ANO10: variants seen among roughly 807,000 people sequenced by gnomAD.
ANO10 encodes anoctamin-10.
Under a neutral mutation model 74.7 loss-of-function variants are expected in ANO10, and 77 were observed. The ratio of observed to expected loss-of-function variants is 1.03; its 90% CI spans 0.86 to 1.25. The LOEUF (loss-of-function observed/expected upper bound fraction) is 1.25. Ranked by LOEUF, ANO10 falls within the 50% of genes most tolerant of loss-of-function variation. The probability of loss-of-function intolerance (pLI) is 0.00; values close to 1 mark genes in which losing one functional copy is unlikely to be tolerated. For synonymous variants in ANO10, 279 were observed against 284.9 expected, an observed-to-expected ratio of 0.98 and a Z score of 0.21; for missense variants, 721 against 778.1, an observed-to-expected ratio of 0.93 and a Z score of 0.87.
At chr3:43,544,796 TA>T (rs556665373) in intron 11 of ANO10, among the ~76,000 whole-genome samples, 73,184 of 111,902 alleles carry the variant, frequency 0.65, 22,939 homozygotes, top group East Asian at 0.76. Context: ...CTGTCTGAAA[TA>T]AAAAAAAAAA....
intron 11 of ANO10, among the ~76,000 whole-genome samples, chr3:43,448,653 C>T: frequency 6.6e-6 from 1 of 152,176 alleles, no homozygotes; most frequent in East Asian, 1.9e-4. Context: ...CTGCTATAAA[C>T]ATCCATCTGC....
At chr3:43,406,162 T>A (rs2092571832) in intron 12 of ANO10, among the ~76,000 whole-genome samples, 1 of 152,188 alleles carries the variant, frequency 6.6e-6, no homozygotes, top group South Asian at 2.1e-4. Context: ...AAGAATCCCA[T>A]CTGCATGGCA....
At chr3:43,644,606 C>A (rs78097683) in intron 1 of ANO10, among the ~76,000 whole-genome samples, 5,856 of 152,292 alleles carry the variant, frequency 0.038, 161 homozygotes, top group Non-Finnish European at 0.058. Flanking sequence ...GTAGCCTTGC[C>A]CCTGGCTTTT....
rs996196127 is a variant in ANO10, at chr3:43,496,638, G to A, written c.1797+53082C>T. On this transcript the variant is annotated intron_variant, in intron 11 of 12. Coordinates refer to ENST00000292246, the MANE Select transcript of ANO10 (RefSeq NM_018075.5). Reference sequence around the variant, plus strand: ...TATTTTTTGGGGGTGGGGGAGCAGGGGCAGAGACAAGGTTTCGTCATGTTG... The same window carrying A: ...TATTTTTTGGGGGTGGGGGAGCAGGAGCAGAGACAAGGTTTCGTCATGTTG... 3.9e-5 allele frequency among the ~76,000 whole-genome samples: 6 copies of A among 151,988 alleles called. No homozygotes were observed. In the South Asian group the frequency reaches 8.3e-4, roughly 21 times the overall value.
chr3:43,562,076 G>A (rs935734752), intron 8 of ANO10, among the ~76,000 whole-genome samples: 3 of 152,060 alleles, frequency 2.0e-5, no homozygotes, highest in Admixed American at 6.5e-5. Context: ...AAGGCACTAA[G>A]AATGTATATT....
chr3:43,652,883 TAG>T (rs1263078333), intron 1 of ANO10: 1 of 151,956 alleles, frequency 6.6e-6, no homozygotes, highest in Non-Finnish European at 1.5e-5. Flanking sequence ...ATCATTAATA[TAG>T]AGAGAGTATT....
At chr3:43,551,093 T>C (rs1168954932) in intron 10 of ANO10, among the ~76,000 whole-genome samples, 1 of 152,240 alleles carries the variant, frequency 6.6e-6, no homozygotes, top group Non-Finnish European at 1.5e-5. Flanking sequence ...TACATGGACG[T>C]ATCAGAATTT....
At chr3:43,543,128 TCTCC>T (rs1351052712) in intron 11 of ANO10, among the ~76,000 whole-genome samples, 17 of 152,164 alleles carry the variant, frequency 1.1e-4, no homozygotes, top group African/African-American at 3.4e-4. Context: ...CTCTCTCTTC[TCTCC>T]CTCTGTTTCT....
chr3:43,423,275 CTTTT>C (rs1023387400), intron 12 of ANO10, among the ~76,000 whole-genome samples: 4 of 151,942 alleles, frequency 2.6e-5, no homozygotes, highest in Non-Finnish European at 5.9e-5. Flanking sequence ...TTTTAAGACT[CTTTT>C]TTTTGTCCAA....
chr3:43,436,187 C>T (rs1660344227), intron 11 of ANO10, among the ~76,000 whole-genome samples: 1 of 152,042 alleles, frequency 6.6e-6, no homozygotes, highest in Non-Finnish European at 1.5e-5. Flanking sequence ...TCCATACAGC[C>T]ACTCTGTTTC....
chr3:43,430,260 T>C (rs904507953), intron 12 of ANO10, among the ~76,000 whole-genome samples: 5 of 152,064 alleles, frequency 3.3e-5, no homozygotes, highest in Non-Finnish European at 5.9e-5. Flanking sequence ...TCTTTTGAGT[T>C]TGCTTATTTT....
intron 11 of ANO10, among the ~76,000 whole-genome samples, chr3:43,514,085 GC>G (rs2077616496): frequency 6.6e-6 from 1 of 150,584 alleles, no homozygotes; most frequent in Non-Finnish European, 1.5e-5. Flanking sequence ...AAAATTGCAA[GC>G]AAAAATAGAA....
rs1322368451 is a variant in ANO10 at position 43,577,183 on chromosome 3, G to C, written c.671C>G (p.Pro224Arg). Residue 224 changes from proline (P) to arginine (R), a missense_variant, in exon 6 of 13, where the codon CCC becomes CGC. By Grantham distance (103) the Pro-to-Arg change is moderately radical. Transcript: ENST00000292246. The part of the protein sequence containing the change: ...FLEYFTFALI[P>R]MAVIGLPYYL... ...GTAAGGTAACCCAATGACAGCCATG[G>C]GGATTAATGCAAAAGTGAAATACTC... The C allele has an allele frequency of 1.2e-6, 2 of 1,613,960 alleles. No homozygotes were observed. Among genetic ancestry groups the C allele is most frequent in the African/African-American group, 2.7e-5 (2 of 74,874 alleles).
intron 11 of ANO10, among the ~76,000 whole-genome samples, chr3:43,492,934 T>C (rs1011227503): frequency 6.6e-6 from 1 of 152,200 alleles, no homozygotes; most frequent in Non-Finnish European, 1.5e-5. Flanking sequence ...ATCCCATTAC[T>C]GGGCATATGC....
chr3:43,468,774 G>A (rs1370898080), intron 11 of ANO10, among the ~76,000 whole-genome samples: 2 of 150,592 alleles, frequency 1.3e-5, no homozygotes, highest in African/African-American at 2.4e-5. Flanking sequence ...GCAGTAGTGC[G>A]ATCTCGGCTC....
chr3:43,662,604 C>T (rs1207149213), intron 1 of ANO10, among the ~76,000 whole-genome samples: 2 of 151,696 alleles, frequency 1.3e-5, no homozygotes, highest in African/African-American at 4.8e-5. Context: ...ATAAATGAAT[C>T]CAAGAGCTGA....
chr3:43,459,872 G>T (rs113345780), intron 11 of ANO10, among the ~76,000 whole-genome samples: 93 of 152,322 alleles, frequency 6.1e-4, no homozygotes, highest in African/African-American at 2.2e-3. Flanking sequence ...AACAGGCACA[G>T]AGAAGTTAAA....
At chr3:43,574,383 G>A (rs998635235) in intron 7 of ANO10, among the ~76,000 whole-genome samples, 1 of 151,202 alleles carries the variant, frequency 6.6e-6, no homozygotes, top group African/African-American at 2.4e-5. Context: ...CGATTCTCCT[G>A]CCTCAGCTTC....
intron 12 of ANO10, among the ~76,000 whole-genome samples, chr3:43,395,050 G>A (rs996781895): frequency 6.6e-6 from 1 of 152,140 alleles, no homozygotes; most frequent in Admixed American, 6.5e-5. Flanking sequence ...ACAAGGTAAG[G>A]GGGACTGAGG....
Sources: allele counts gnomAD v4.1 joint callset (sites outside exome capture counted in the v4.1 genomes callset), GRCh38; gene constraint gnomAD v4.1.1; transcripts MANE v1.5; gene names NCBI Gene and HGNC (gene_info 2026-07-23, HGNC 2026-07-21).